SYNJ2: variants seen among roughly 807,000 people sequenced by gnomAD.
SYNJ2 encodes polyphosphatidylinositol phosphatase SYNJ2.
Under a neutral mutation model 141.3 loss-of-function variants are expected in SYNJ2, and 116 were observed. The ratio of observed to expected loss-of-function variants is 0.82; its 90% CI spans 0.71 to 0.96. The LOEUF is 0.96. SYNJ2 is among the 40% of genes least tolerant of loss of function. The pLI, the probability that SYNJ2 is intolerant of heterozygous loss-of-function variation, is 0.00. For synonymous variants in SYNJ2, 745 were observed against 777.7 expected (o/e 0.96, Z 0.70); for missense variants, 1,873 against 1,934.8 (o/e 0.97, Z 0.60).
At position 158,083,415 on chromosome 6, in the gene SYNJ2, C is replaced by T. The variant is rs1782828735; in HGVS notation, c.2866-14C>T. On this transcript the variant is annotated splice_polypyrimidine_tract_variant and intron_variant, in intron 20 of 26. Coordinates refer to ENST00000355585, the MANE Select transcript of SYNJ2 (RefSeq NM_003898.4). The stretch of plus-strand genomic sequence containing the variant: ...ATTTTTATTTATTCCTGGGTGGCCG[C>T]TCTGCCCTCCCAGGTGAAAGGCAGA... 8 of 1,611,356 alleles carry T rather than the reference C, an allele frequency of 5.0e-6. No homozygotes were observed. The highest frequency in any genetic ancestry group is 1.3e-5 in the African/African-American group (1 of 74,872).
chr6:157,987,882 T>TA (rs1229106197), intron 1 of SYNJ2, among the ~76,000 whole-genome samples: 1 of 152,226 alleles, frequency 6.6e-6, no homozygotes, highest in Non-Finnish European at 1.5e-5. Context: ...GACACATTTT[T>TA]AAAAGCAAAG....
chr6:158,089,934 G>A lies in SYNJ2; in HGVS notation c.3552G>A (p.Leu1184=), dbSNP rs1474544653. 6.2e-7 allele frequency: 1 copy of A among 1,613,800 alleles called. No homozygotes were observed. The highest frequency in any genetic ancestry group is 1.7e-5 in the Admixed American group (1 of 60,014). The change falls in exon 25 of 27, where the codon CTG becomes CTA. Residue 1184 remains leucine (L), a synonymous_variant. Transcript: ENST00000355585. ...QEAEAAIRCL[L]EARGGASEEA... is the part of the protein sequence containing the mutation. ...CAGAAGCAGCAATCCGGTGTCTCCT[G>A]GAAGCCAGAGGAGGTAGGTGCTTTC...
At position 158,069,532 on chromosome 6, in the gene SYNJ2, G is replaced by C; in HGVS notation, c.1800-1G>C. On this transcript the variant is annotated splice_acceptor_variant, in intron 13 of 26. Transcript: ENST00000355585. LOFTEE classifies it high-confidence loss of function. Reference sequence around the variant, plus strand: ...CAGCATCCTTTCCTTTTCTCTTCCAGTACTACCAACAAGAAGATGTGGGGT... The same window carrying C: ...CAGCATCCTTTCCTTTTCTCTTCCACTACTACCAACAAGAAGATGTGGGGT... The C allele has an allele frequency of 1.2e-6, 2 of 1,611,842 alleles. No homozygotes were observed. Among genetic ancestry groups the C allele is most frequent in the Non-Finnish European group, 1.7e-6 (2 of 1,178,532 alleles).
intron 5 of SYNJ2, among the ~76,000 whole-genome samples, chr6:158,053,903 T>C (rs1436065804): frequency 6.7e-6 from 1 of 148,424 alleles, no homozygotes; most frequent in Non-Finnish European, 1.5e-5. Flanking sequence ...CATCCACTGA[T>C]CCATCCATCC....
intron 1 of SYNJ2, among the ~76,000 whole-genome samples, chr6:158,011,162 T>C (rs1385784308): frequency 6.6e-6 from 1 of 151,780 alleles, no homozygotes; most frequent in Non-Finnish European, 1.5e-5. Flanking sequence ...TGGGAGAGAA[T>C]TGCCACGCGA....
chr6:157,985,781 T>G (rs1777178870), intron 1 of SYNJ2, among the ~76,000 whole-genome samples: 1 of 152,128 alleles, frequency 6.6e-6, no homozygotes, highest in Non-Finnish European at 1.5e-5. Context: ...TCGTGCCTCC[T>G]GCCGCCCAGC....
chr6:158,058,153 T>C (rs1362671958), intron 6 of SYNJ2, among the ~76,000 whole-genome samples: 1 of 152,228 alleles, frequency 6.6e-6, no homozygotes, highest in African/African-American at 2.4e-5. Flanking sequence ...AAGAGAAAGA[T>C]GTTTAAAGAA....
chr6:158,091,853 G>A (rs116046859), intron 25 of SYNJ2, among the ~76,000 whole-genome samples: 1,769 of 152,134 alleles, frequency 0.012, 42 homozygotes, highest in African/African-American at 0.04. Flanking sequence ...AGGCCACATA[G>A]TGTACCATCC....
At chr6:158,025,236 G>A (rs1778979495) in intron 2 of SYNJ2, among the ~76,000 whole-genome samples, 1 of 152,170 alleles carries the variant, frequency 6.6e-6, no homozygotes, top group Non-Finnish European at 1.5e-5. Context: ...CCCCATTCAT[G>A]AGGGCTCCAC....
intron 1 of SYNJ2, among the ~76,000 whole-genome samples, chr6:158,014,982 G>A (rs1363888615): frequency 6.6e-6 from 1 of 152,210 alleles, no homozygotes; most frequent in Non-Finnish European, 1.5e-5. Flanking sequence ...GGATGGTTGA[G>A]AGGAACCAGG....
At chr6:158,088,286 G>A (rs756531526) in intron 23 of SYNJ2, among the ~76,000 whole-genome samples, 88 of 150,844 alleles carry the variant, frequency 5.8e-4, no homozygotes, top group Non-Finnish European at 1.1e-3. Context: ...CCCAGGCTGG[G>A]GTTTTTGAAA....
chr6:157,992,012 G>GTA, intron 1 of SYNJ2, among the ~76,000 whole-genome samples: 1 of 152,188 alleles, frequency 6.6e-6, no homozygotes, highest in East Asian at 1.9e-4. Flanking sequence ...TACATAGTAG[G>GTA]TATATATATT....
chr6:158,089,601 C>T (rs952744073), intron 24 of SYNJ2, among the ~76,000 whole-genome samples: 1 of 152,054 alleles, frequency 6.6e-6, no homozygotes, highest in Non-Finnish European at 1.5e-5. Context: ...TGTCCATATG[C>T]AAAAATCTGT....
At chr6:158,022,885 T>C (rs1778847099) in intron 2 of SYNJ2, among the ~76,000 whole-genome samples, 1 of 152,170 alleles carries the variant, frequency 6.6e-6, no homozygotes, top group African/African-American at 2.4e-5. Flanking sequence ...TGTACCACAC[T>C]GACGGTGGCC....
chr6:158,085,064 G>C (rs1782949009), intron 22 of SYNJ2, among the ~76,000 whole-genome samples: 1 of 149,272 alleles, frequency 6.7e-6, no homozygotes, highest in Non-Finnish European at 1.5e-5. Context: ...CTGTCTCCCA[G>C]GCTGGAGTGC....
chr6:157,981,732 G>A (rs1400179881), upstream of SYNJ2, among the ~76,000 whole-genome samples: 2 of 151,794 alleles, frequency 1.3e-5, no homozygotes, highest in Non-Finnish European at 2.9e-5. The surrounding 1 kb of genome is among the most constrained non-coding windows in gnomAD (Gnocchi z 6.4). Context: ...CCGCTGGGGG[G>A]AGCGCGGGGC....
intron 6 of SYNJ2, among the ~76,000 whole-genome samples, chr6:158,055,748 C>T (rs1780831821): frequency 6.6e-6 from 1 of 152,132 alleles, no homozygotes; most frequent in Non-Finnish European, 1.5e-5. Flanking sequence ...CTACCTGAAG[C>T]TTTATTGAGA....
chr6:158,054,704 G>A (rs1430600711), intron 5 of SYNJ2, among the ~76,000 whole-genome samples: 1 of 152,194 alleles, frequency 6.6e-6, no homozygotes, highest in African/African-American at 2.4e-5. Context: ...GCTTTCTGTG[G>A]AAGAATTGCA....
chr6:157,993,527 T>C (rs1192505383), intron 1 of SYNJ2, among the ~76,000 whole-genome samples: 1 of 152,090 alleles, frequency 6.6e-6, no homozygotes, highest in Non-Finnish European at 1.5e-5. Context: ...GTGCAAAAGC[T>C]TTTTAACTTA....
Sources: gnomAD v4.1 joint callset for allele counts (sites outside exome capture counted in the v4.1 genomes callset) on GRCh38, gnomAD v4.1.1 for gene constraint, Gnocchi (gnomAD v3.1) non-coding constraint, MANE v1.5 for transcripts, NCBI Gene and HGNC (gene_info 2026-07-23, HGNC 2026-07-21) for gene names.